The following RCBTB2 variants were observed in gnomAD, a reference collection of about 807,000 sequenced individuals.
RCBTB2 encodes the protein RCC1 and BTB domain-containing protein 2.
In RCBTB2, 55 loss-of-function variants were observed where a neutral mutation model predicts 65.4. The ratio of observed to expected loss-of-function variants is 0.84; its 90% CI spans 0.68 to 1.05. The LOEUF is 1.05. Ranked by LOEUF, RCBTB2 falls within the 50% of genes least tolerant of loss-of-function variation. RCBTB2 has a pLI of 0.00. For synonymous variants in RCBTB2, 220 were observed against 255.2 expected (o/e 0.86, Z 1.31); for missense variants, 599 against 680.1 (o/e 0.88, Z 1.33).
At chr13:48,511,608 T>A (rs1207305602) in intron 9 of RCBTB2, among the ~76,000 whole-genome samples, 162 bp downstream of exon 9, 1 of 152,226 alleles carries the variant, frequency 6.6e-6, no homozygotes, top group Non-Finnish European at 1.5e-5. Context: ...TCTGAACAGC[T>A]GCAATTTAAT....
intron 10 of RCBTB2, among the ~76,000 whole-genome samples, chr13:48,506,246 C>T (rs1950498208): frequency 6.6e-6 from 1 of 152,290 alleles, no homozygotes; most frequent in East Asian, 1.9e-4. Context: ...ACGCCGGGAT[C>T]GGAGGGCAAT....
At chr13:48,527,329 A>ATATATGATATATATT (rs1951808328) in intron 1 of RCBTB2, among the ~76,000 whole-genome samples, 2 of 80,966 alleles carry the variant, frequency 2.5e-5, no homozygotes, top group South Asian at 7.0e-4. Context: ...TCATATATAT[A>ATATATGATATATATT]TATATATGAT....
chr13:48,490,018 C>A lies in RCBTB2; in HGVS notation c.*93G>T. The A allele has an allele frequency of 7.3e-7, 1 of 1,374,474 alleles. No homozygotes were observed. The highest frequency in any genetic ancestry group is 1.0e-6 in the Non-Finnish European group (1 of 968,002). The allele number at this position is 1,374,474 out of a possible 1,614,324, so 85.1% of individuals were successfully genotyped here. A position where few individuals can be genotyped will look rare whatever the true frequency, so the allele number is the denominator to read the frequency against. On this transcript the variant is annotated 3_prime_UTR_variant, in exon 15 of 15. Coordinates refer to ENST00000344532, the MANE Select transcript of RCBTB2 (RefSeq NM_001268.4). ...GTTACAAGTACTCAGCCAAACATAG[C>A]TCATCATACATACTATTAATTAAAG...
rs767856805 is a variant in RCBTB2, at chr13:48,515,255, AT to A, written c.298del (p.Ile100Ter). 1.9e-6 allele frequency: 3 copies of A among 1,613,894 alleles called. No individual in the cohort carries two copies. The highest frequency in any genetic ancestry group is 1.7e-5 in the Admixed American group (1 of 59,978). On this transcript the variant is annotated frameshift_variant, in exon 6 of 15. Coordinates refer to ENST00000344532, the MANE Select transcript of RCBTB2 (RefSeq NM_001268.4). LOFTEE classifies it high-confidence loss of function. ...ACCACTCCCATAGCTGAGGCAGGCT[AT>A]TTTTTTGCCATTTAAAGAATCCAGT... ...RRLDSLNGKK[I>X]ACLSYGSGPH...
chr13:48,512,735 A>G lies in RCBTB2; in HGVS notation c.510T>C (p.Asp170=), dbSNP rs1390017027. 2 of 1,613,730 alleles carry G rather than the reference A, an allele frequency of 1.2e-6. No homozygotes were observed. The highest frequency in any genetic ancestry group is 8.5e-7 in the Non-Finnish European group (1 of 1,179,764). The change falls in exon 7 of 15, where the codon GAT becomes GAC. Residue 170 remains aspartate, a synonymous_variant. Transcript: ENST00000344532. ...TTATGCTGACTGTTCTCACCTCTCC[A>G]TCAGATGTTAGCACCAAAGAATGGT... ...GSYHSLVLTS[D]GEVFAWGYNN...
At chr13:48,512,708 C>T (rs1593715008) in intron 7 of RCBTB2, 21 bp downstream of exon 7, 2 of 1,607,966 alleles carry the variant, frequency 1.2e-6, no homozygotes, top group South Asian at 1.1e-5. Context: ...AATCAATGAG[C>T]TTTATGCTGA....
intron 13 of RCBTB2, among the ~76,000 whole-genome samples, chr13:48,498,452 C>T (rs572678690): frequency 3.8e-4 from 58 of 152,248 alleles, no homozygotes; most frequent in African/African-American, 4.6e-4. Flanking sequence ...CACTCGCGGC[C>T]GGGCGCAGTG....
intron 13 of RCBTB2, among the ~76,000 whole-genome samples, chr13:48,498,305 G>A (rs992193413): frequency 6.6e-6 from 1 of 152,144 alleles, no homozygotes; most frequent in African/African-American, 2.4e-5. Flanking sequence ...CAAGGTGGGA[G>A]GATTGGACAT....
chr13:48,531,883 C>T (rs1414385530), intron 1 of RCBTB2: 1 of 152,178 alleles, frequency 6.6e-6, no homozygotes, highest in Non-Finnish European at 1.5e-5. Flanking sequence ...ACGAAACTGA[C>T]TTAACTAAGA....
At chr13:48,500,326 G>A (rs1950176990) in intron 12 of RCBTB2, among the ~76,000 whole-genome samples, 3 of 152,160 alleles carry the variant, frequency 2.0e-5, no homozygotes, top group Non-Finnish European at 2.9e-5. Flanking sequence ...TTGGAAGGCC[G>A]AGGCGGGTGG....
chr13:48,512,927 T>C, intron 6 of RCBTB2, 32 bp from the exon 7 acceptor site: 2 of 1,565,128 alleles, frequency 1.3e-6, no homozygotes, highest in South Asian at 1.1e-5. Flanking sequence ...ATCAGTTTTT[T>C]ACAACATCTA....
chr13:48,516,939 C>T (rs1218846231), intron 4 of RCBTB2, among the ~76,000 whole-genome samples: 1 of 152,198 alleles, frequency 6.6e-6, no homozygotes, highest in Non-Finnish European at 1.5e-5. Flanking sequence ...CATCAACAAA[C>T]TTACACATTA....
chr13:48,521,952 C>T lies in RCBTB2; in HGVS notation c.-13G>A. 6.2e-7 allele frequency: 1 copy of T among 1,613,540 alleles called. No homozygotes were observed. The highest frequency in any genetic ancestry group is 1.1e-5 in the South Asian group (1 of 91,030). On this transcript the variant is annotated 5_prime_UTR_variant, in exon 4 of 15. Transcript: ENST00000344532. ...GTTCTTCTTCCATATGGACTCAGTC[C>T]TGGGCAGTCCCTGAGGAAAAAGTAT...
intron 4 of RCBTB2, among the ~76,000 whole-genome samples, chr13:48,517,591 C>T (rs1274786123): frequency 2.6e-5 from 4 of 152,208 alleles, no homozygotes; most frequent in African/African-American, 9.7e-5. Flanking sequence ...ATGCACGGAG[C>T]AGCTGTCCCA....
At position 48,527,350 on chromosome 13, in the gene RCBTB2, A is replaced by C. The variant is rs944038404; in HGVS notation, c.-218-2593T>G. On this transcript the variant is annotated intron_variant, in intron 1 of 14. Transcript: ENST00000344532. ...ATATATATATATGATATATATATAT[A>C]TGATATATATTTATATATGATATAT... 1.7e-3 allele frequency among the ~76,000 whole-genome samples: 208 copies of C among 120,428 alleles called. 10 individuals carry two copies. The highest frequency in any genetic ancestry group is 0.012 in the African/African-American group (199 of 17,268). The allele number at this position is 120,428 out of a possible 152,430, so 79.0% of individuals were successfully genotyped here. A position where few individuals can be genotyped will look rare whatever the true frequency, so the allele number is the denominator to read the frequency against.
intron 2 of RCBTB2, among the ~76,000 whole-genome samples, chr13:48,523,979 G>A (rs942615942): frequency 2.6e-5 from 4 of 152,108 alleles, no homozygotes; most frequent in African/African-American, 9.7e-5. Context: ...TGAATGAAAT[G>A]TAAGATTAAC....
Position 48,510,731 on chromosome 13 carries a change from T to C in RCBTB2, c.824A>G (p.Glu275Gly), listed in dbSNP as rs781271841. 1 of 1,614,172 alleles carries C rather than the reference T, an allele frequency of 6.2e-7. No homozygotes were observed. ...GGCGCCCCAAGCATACACTTGGCCTTCATCTGTTAATACTAATGTGTGTGC... is the reference window on the plus strand; with the variant it reads ...GGCGCCCCAAGCATACACTTGGCCTCCATCTGTTAATACTAATGTGTGTGC... The part of the protein sequence containing the change: ...GYAHTLVLTD[E>G]GQVYAWGANS... Residue 275 changes from glutamate to glycine, a missense_variant, in exon 10 of 15, where the codon GAA becomes GGA. Physicochemically the swap from Glu to Gly is moderately conservative, Grantham distance 98. Coordinates refer to ENST00000344532, the MANE Select transcript of RCBTB2 (RefSeq NM_001268.4).
intron 14 of RCBTB2, among the ~76,000 whole-genome samples, chr13:48,493,540 C>T (rs915953516): frequency 6.6e-6 from 1 of 151,910 alleles, no homozygotes; most frequent in African/African-American, 2.4e-5. Context: ...CTCCCACACA[C>T]GCCACTGTGC....
Position 48,496,215 on chromosome 13 carries a change from C to T in RCBTB2, c.1491G>A (p.Ser497=), listed in dbSNP as rs1456875191. The part of the protein sequence containing the change: ...ICEENAIALL[S]AAVKYDAQDL... ...CCTGTGCATCATACTTCACCGCAGC[C>T]GAGAGCAGAGCGATGGCATTCTCCT... The change falls in exon 14 of 15, where the codon TCG becomes TCA. Residue 497 remains serine (S), a synonymous_variant. Transcript: ENST00000344532. The T allele has an allele frequency of 4.5e-6, 7 of 1,563,512 alleles. No homozygotes were observed. Among genetic ancestry groups the T allele is most frequent in the Admixed American group, 1.9e-5 (1 of 51,960 alleles).
Sources: allele counts gnomAD v4.1 joint callset (sites outside exome capture counted in the v4.1 genomes callset), GRCh38; gene constraint gnomAD v4.1.1; transcripts MANE v1.5; gene names NCBI Gene and HGNC (gene_info 2026-07-23, HGNC 2026-07-21).